The following CTNND2 variants were observed in gnomAD, a reference collection of about 807,000 sequenced individuals.
The protein encoded by CTNND2 is catenin delta 2.
Under a neutral mutation model 144.4 loss-of-function variants are expected in CTNND2, and 22 were observed. The ratio of observed to expected loss-of-function variants is 0.15; its 90% CI spans 0.11 to 0.22. The LOEUF is 0.22. Among genes scored for constraint, CTNND2 ranks in the 10% least tolerant of loss-of-function variants. The probability of loss-of-function intolerance (pLI) is 1.00; values close to 1 mark genes in which losing one functional copy is unlikely to be tolerated. For missense variants in CTNND2, 1,353 were observed against 1,618.8 expected, an observed-to-expected ratio of 0.84 and a Z score of 2.82; for synonymous variants, 751 against 695.6, an observed-to-expected ratio of 1.08 and a Z score of -1.25.
intron 2 of CTNND2, among the ~76,000 whole-genome samples, chr5:11,644,965 C>A (rs895438092): frequency 1.3e-5 from 2 of 151,990 alleles, no homozygotes; most frequent in East Asian, 3.9e-4. Context: ...TATACTTTCA[C>A]AGTATTTTTT....
At chr5:11,036,319 C>G (rs1241595996) in intron 16 of CTNND2, among the ~76,000 whole-genome samples, 2 of 152,130 alleles carry the variant, frequency 1.3e-5, no homozygotes, top group African/African-American at 2.4e-5. Flanking sequence ...GCTGAAGTTA[C>G]GTCTTGTCTT....
At chr5:11,245,569 A>G (rs1315554542) in intron 9 of CTNND2, among the ~76,000 whole-genome samples, 1 of 152,188 alleles carries the variant, frequency 6.6e-6, no homozygotes, top group Non-Finnish European at 1.5e-5. Flanking sequence ...AAGCTGGAAA[A>G]GGCCAGGACA....
At chr5:11,280,734 A>T (rs1421995419) in intron 9 of CTNND2, among the ~76,000 whole-genome samples, 1 of 152,094 alleles carries the variant, frequency 6.6e-6, no homozygotes, top group Non-Finnish European at 1.5e-5. Flanking sequence ...TTACACACAC[A>T]CTTGGCAATC....
rs563961195 is a variant in CTNND2, at chr5:11,840,625, T to C, written c.37+63192A>G. Among the ~76,000 whole-genome samples the C allele has an allele frequency of 2.2e-4, 34 of 152,318 alleles. No homozygotes were observed. In the South Asian group the frequency reaches 6.6e-3, roughly 30 times the overall value. ...ACTGGACCCACCAAAATAACTCGTATCACTTCATGCTATTTAAGAATCATG... is the reference window on the plus strand; with the variant it reads ...ACTGGACCCACCAAAATAACTCGTACCACTTCATGCTATTTAAGAATCATG... On this transcript the variant is annotated intron_variant, in intron 1 of 21. Transcript: ENST00000304623.
intron 1 of CTNND2, among the ~76,000 whole-genome samples, chr5:11,810,000 G>T (rs56202548): frequency 0.014 from 2,086 of 152,250 alleles, 25 homozygotes; most frequent in Non-Finnish European, 0.02. Flanking sequence ...CAAACATACA[G>T]AACCTGACAA....
At chr5:11,665,414 T>C (rs962480364) in intron 2 of CTNND2, among the ~76,000 whole-genome samples, 4 of 152,304 alleles carry the variant, frequency 2.6e-5, no homozygotes, top group Admixed American at 1.3e-4. Flanking sequence ...TATAGCAAGA[T>C]AGTTCCTGAA....
chr5:11,885,692 T>C (rs1475414740), intron 1 of CTNND2, among the ~76,000 whole-genome samples: 1 of 152,192 alleles, frequency 6.6e-6, no homozygotes, highest in African/African-American at 2.4e-5. Flanking sequence ...CTGACATTTA[T>C]TGAACATTTC....
chr5:11,417,007 C>A (rs180692260), intron 3 of CTNND2, among the ~76,000 whole-genome samples: 120 of 152,228 alleles, frequency 7.9e-4, no homozygotes, highest in African/African-American at 2.8e-3. Context: ...ATAAAGACAT[C>A]AGTGATGCTA....
intron 1 of CTNND2, among the ~76,000 whole-genome samples, chr5:11,867,004 A>G (rs1025715996): frequency 4.6e-5 from 7 of 152,224 alleles, no homozygotes; most frequent in Non-Finnish European, 8.8e-5. Flanking sequence ...GTGGCATTAT[A>G]TCTTCTCTTC....
intron 3 of CTNND2, among the ~76,000 whole-genome samples, chr5:11,429,619 G>A (rs1266206317): frequency 1.3e-5 from 2 of 152,164 alleles, no homozygotes; most frequent in South Asian, 2.1e-4. Context: ...AGTTGGTGGT[G>A]TTGGTTTAGT....
At chr5:11,702,693 G>A (rs913521888) in intron 2 of CTNND2, among the ~76,000 whole-genome samples, 1 of 152,152 alleles carries the variant, frequency 6.6e-6, no homozygotes, top group African/African-American at 2.4e-5. Flanking sequence ...CTGGCTATCT[G>A]CTAATCCCTT....
At chr5:11,190,438 G>A (rs141061093) in intron 11 of CTNND2, among the ~76,000 whole-genome samples, 23 of 152,272 alleles carry the variant, frequency 1.5e-4, no homozygotes, top group South Asian at 8.3e-4. Flanking sequence ...CTGATCCAAC[G>A]GCTGCCTGTG....
chr5:11,398,854 G>C (rs1760377849), intron 5 of CTNND2, among the ~76,000 whole-genome samples: 1 of 135,906 alleles, frequency 7.4e-6, no homozygotes, highest in Non-Finnish European at 1.5e-5. Flanking sequence ...CTGGGTGCCA[G>C]GAACGTATTG....
At chr5:11,732,075 C>T in intron 2 of CTNND2, 61 bp downstream of exon 2, 1 of 1,541,604 alleles carries the variant, frequency 6.5e-7, no homozygotes, top group East Asian at 2.3e-5. Flanking sequence ...TAACGTTCAT[C>T]TAGAAAAACA....
intron 2 of CTNND2, among the ~76,000 whole-genome samples, chr5:11,647,477 G>A (rs2727618): frequency 6.6e-6 from 1 of 151,796 alleles, no homozygotes; most frequent in Admixed American, 6.6e-5. Context: ...AGTCACTCCA[G>A]CCACTGAAGG....
chr5:11,200,842 C>CT (rs1326507483), intron 10 of CTNND2, among the ~76,000 whole-genome samples: 1 of 152,100 alleles, frequency 6.6e-6, no homozygotes. Context: ...CCACGCCCGG[C>CT]TATTTTTTTT....
At chr5:11,560,459 T>C (rs541735397) in intron 3 of CTNND2, among the ~76,000 whole-genome samples, 2 of 152,316 alleles carry the variant, frequency 1.3e-5, no homozygotes, top group African/African-American at 2.4e-5. Flanking sequence ...CTGATGCCTA[T>C]GGAAATCAAG....
At chr5:11,164,744 A>G (rs569193339) in intron 11 of CTNND2, among the ~76,000 whole-genome samples, 13 of 152,348 alleles carry the variant, frequency 8.5e-5, no homozygotes, top group Middle Eastern at 3.4e-3. Context: ...CTAAACTCAG[A>G]GAGGCTTTCC....
At chr5:11,587,221 T>A (rs1420274902) in intron 2 of CTNND2, among the ~76,000 whole-genome samples, 1 of 152,148 alleles carries the variant, frequency 6.6e-6, no homozygotes, top group Non-Finnish European at 1.5e-5. Context: ...TTACAGTCAA[T>A]GTGGAAAACA....
Sources: gnomAD v4.1 joint callset for allele counts (sites outside exome capture counted in the v4.1 genomes callset) on GRCh38, gnomAD v4.1.1 for gene constraint, MANE v1.5 for transcripts, NCBI Gene and HGNC (gene_info 2026-07-23, HGNC 2026-07-21) for gene names.